TRIM4: variants seen among roughly 807,000 people sequenced by gnomAD.
TRIM4 encodes E3 ubiquitin-protein ligase TRIM4.
A neutral mutation model predicts 33.7 loss-of-function variants in TRIM4; 29 were observed. The ratio of observed to expected loss-of-function variants is 0.86; its 90% CI spans 0.64 to 1.17. TRIM4 has a LOEUF of 1.17. TRIM4 is among the 50% of genes most tolerant of loss of function. The probability of loss-of-function intolerance (pLI) is 0.00; values close to 1 mark genes in which losing one functional copy is unlikely to be tolerated. For missense variants in TRIM4, 554 were observed against 593.7 expected (o/e 0.93, Z 0.69); for synonymous variants, 224 against 233.0 (o/e 0.96, Z 0.35).
At position 99,892,765 on chromosome 7, in the gene TRIM4, C is replaced by A. The variant is rs1818923759; in HGVS notation, c.842-19G>T. On this transcript the variant is annotated intron_variant, in intron 5 of 5. Coordinates refer to ENST00000349062, the MANE Select transcript of TRIM4 (RefSeq NM_033091.3). ...ACAGCCACTGTGGAGAAAATGAGAG[C>A]TAAGTAGTGCAGCAGCTTATCATCA... The A allele has an allele frequency of 1.3e-6, 2 of 1,587,260 alleles. No individual in the cohort carries two copies. Among genetic ancestry groups the A allele is most frequent in the African/African-American group, 1.3e-5 (1 of 74,222 alleles).
chr7:99,893,884 C>T (rs1438285487), intron 5 of TRIM4, among the ~76,000 whole-genome samples: 1 of 151,384 alleles, frequency 6.6e-6, no homozygotes, highest in African/African-American at 2.4e-5. Flanking sequence ...AGTTTGAGGA[C>T]TTTTTTTAAA....
intron 5 of TRIM4, among the ~76,000 whole-genome samples, chr7:99,894,354 T>G (rs1818964403): frequency 6.6e-6 from 1 of 152,146 alleles, no homozygotes; most frequent in Non-Finnish European, 1.5e-5. Context: ...AAATGTTTGG[T>G]GAAATGTTTC....
intron 1 of TRIM4, among the ~76,000 whole-genome samples, chr7:99,913,705 A>T (rs1487601942): frequency 6.6e-6 from 1 of 152,014 alleles, no homozygotes; most frequent in Non-Finnish European, 1.5e-5. Flanking sequence ...AAAAATAATA[A>T]TTTTTTTAAA....
intron 1 of TRIM4, chr7:99,917,897 A>C (rs778900133): frequency 3.1e-5 from 30 of 967,848 alleles, no homozygotes; most frequent in Non-Finnish European, 3.7e-5. Flanking sequence ...TAAAGGATAG[A>C]TGTGGGTAGA....
chr7:99,902,903 T>C (rs1819207949), intron 5 of TRIM4, among the ~76,000 whole-genome samples: 1 of 151,988 alleles, frequency 6.6e-6, no homozygotes, highest in Non-Finnish European at 1.5e-5. Flanking sequence ...TCCTCTGAAT[T>C]TCTGTAACAT....
chr7:99,903,078 A>C (rs962158350), intron 5 of TRIM4, 140 bp downstream of exon 5: 2 of 632,748 alleles, frequency 3.2e-6, no homozygotes, highest in Middle Eastern at 5.6e-4. Context: ...TCTTGAATGA[A>C]GTGTATACCC....
At chr7:99,903,947 C>T (rs1385284825) in intron 3 of TRIM4, among the ~76,000 whole-genome samples, 1 of 152,190 alleles carries the variant, frequency 6.6e-6, no homozygotes, top group Non-Finnish European at 1.5e-5. Flanking sequence ...CCACTCTTCT[C>T]CTTCCTGTTG....
At chr7:99,910,555 G>A (rs973680971) in intron 1 of TRIM4, among the ~76,000 whole-genome samples, 5 of 152,110 alleles carry the variant, frequency 3.3e-5, no homozygotes, top group Admixed American at 6.5e-5. Context: ...AAGAATAAAC[G>A]TGTCTATGCG....
Position 99,897,956 on chromosome 7 carries a change from G to A in TRIM4, c.842-5210C>T, listed in dbSNP as rs1016418433. Reference sequence around the variant, plus strand: ...GCCCACAGATGGGGTGCAGCAAACCGCTTCACCAACTGGGTGCACATGGTG... The same window carrying A: ...GCCCACAGATGGGGTGCAGCAAACCACTTCACCAACTGGGTGCACATGGTG... On this transcript the variant is annotated intron_variant, in intron 5 of 5. Coordinates refer to ENST00000349062, the MANE Select transcript of TRIM4 (RefSeq NM_033091.3). Among the ~76,000 whole-genome samples the A allele has an allele frequency of 5.3e-5, 8 of 152,268 alleles. No homozygotes were observed. In the East Asian group the frequency reaches 7.7e-4, roughly 15 times the overall value.
intron 5 of TRIM4, 28 bp downstream of exon 5, chr7:99,903,190 A>G: frequency 1.3e-6 from 2 of 1,527,948 alleles, no homozygotes; most frequent in Non-Finnish European, 1.8e-6. Context: ...ATTTCTAAGG[A>G]GCCCCAAGTC....
chr7:99,902,575 C>T (rs1225434894), intron 5 of TRIM4, among the ~76,000 whole-genome samples: 1 of 152,144 alleles, frequency 6.6e-6, no homozygotes, highest in Non-Finnish European at 1.5e-5. Flanking sequence ...CAAACATGTG[C>T]ACATAAGAAT....
At chr7:99,917,359 G>A (rs1819578197) in intron 1 of TRIM4, among the ~76,000 whole-genome samples, 1 of 152,206 alleles carries the variant, frequency 6.6e-6, no homozygotes, top group African/African-American at 2.4e-5. Flanking sequence ...TCTGTTTCCT[G>A]TTCATAGTCA....
At chr7:99,901,938 C>T (rs936233768) in intron 5 of TRIM4, 3 of 602,182 alleles carry the variant, frequency 5.0e-6, no homozygotes, top group Admixed American at 5.8e-5. Context: ...ACTTTGTTCT[C>T]CGTGAACTCC....
intron 1 of TRIM4, among the ~76,000 whole-genome samples, chr7:99,916,344 C>A (rs1363889369): frequency 6.6e-6 from 1 of 152,170 alleles, no homozygotes; most frequent in Non-Finnish European, 1.5e-5. Flanking sequence ...CTTCTTACTT[C>A]TTCCATGACT....
Position 99,908,722 on chromosome 7 carries a change from T to G in TRIM4, c.580A>C (p.Arg194=). 1 of 1,614,166 alleles carries G rather than the reference T, an allele frequency of 6.2e-7. No individual in the cohort carries two copies. The highest frequency in any genetic ancestry group is 8.5e-7 in the Non-Finnish European group (1 of 1,180,020). ...GTCTCTTCTTCTTCTTTGTTCAATC[T>G]CTGAAGAAACAGGTCCTCTTCTTCA... The part of the protein sequence containing the change: ...LVEEEDLFLQ[R]LNKEEEETKK... The change falls in exon 3 of 6, where the codon AGA becomes CGA. Residue 194 remains arginine (R), a synonymous_variant. Coordinates refer to ENST00000349062, the MANE Select transcript of TRIM4 (RefSeq NM_033091.3).
chr7:99,901,424 C>G (rs1819164024), intron 5 of TRIM4: 1 of 152,140 alleles, frequency 6.6e-6, no homozygotes, highest in African/African-American at 2.4e-5. Context: ...CACTGCTTTC[C>G]TATCTTTTTG....
intron 1 of TRIM4, chr7:99,917,697 C>T: frequency 1.6e-6 from 1 of 614,778 alleles, no homozygotes; most frequent in Non-Finnish European, 2.0e-6. Context: ...CCAGCCTGGG[C>T]AACAAGAGCG....
At chr7:99,918,494 G>A (rs558192514) in intron 1 of TRIM4, among the ~76,000 whole-genome samples, 1 of 152,072 alleles carries the variant, frequency 6.6e-6, no homozygotes, top group Non-Finnish European at 1.5e-5. Context: ...GAACCCCGGA[G>A]GAGGAGGTTG....
At chr7:99,903,751 C>T (rs1819231507) in intron 3 of TRIM4, among the ~76,000 whole-genome samples, 153 bp from the exon 4 acceptor site, 1 of 152,210 alleles carries the variant, frequency 6.6e-6, no homozygotes. Flanking sequence ...GAATCTGGTC[C>T]TTTCTTTCAC....
Sources: allele counts gnomAD v4.1 joint callset (sites outside exome capture counted in the v4.1 genomes callset), GRCh38; gene constraint gnomAD v4.1.1; transcripts MANE v1.5; gene names NCBI Gene and HGNC (gene_info 2026-07-23, HGNC 2026-07-21).